Variants in HTR2C observed in about 807,000 individuals in gnomAD.
HTR2C encodes 5-hydroxytryptamine (serotonin) receptor 2C, G protein-coupled.
Under a neutral mutation model 21.0 loss-of-function variants are expected in HTR2C, and 5 were observed. That is an observed-to-expected ratio of 0.24 (90% CI 0.12 to 0.50). HTR2C has a LOEUF of 0.50. Ranked by LOEUF, HTR2C falls within the 20% of genes least tolerant of loss-of-function variation. The pLI, the probability that HTR2C is intolerant of heterozygous loss-of-function variation, is 0.98. For missense variants in HTR2C, 271 were observed against 371.2 expected, an observed-to-expected ratio of 0.73 and a Z score of 2.22; for synonymous variants, 150 against 145.3, an observed-to-expected ratio of 1.03 and a Z score of -0.23.
chrX:114,611,191 T>G (rs1928715209), intron 1 of HTR2C, among the ~76,000 whole-genome samples: 2 of 111,897 alleles, frequency 1.8e-5, no homozygotes, highest in African/African-American at 3.2e-5. Context: ...TTGTTCTGTC[T>G]GCAATAGTCA....
chrX:114,875,015 A>T (rs2071122011), intron 5 of HTR2C, among the ~76,000 whole-genome samples: 2 of 111,053 alleles, frequency 1.8e-5, no homozygotes, highest in African/African-American at 6.5e-5. Flanking sequence ...GATAAGTAAA[A>T]TTTTTTTCTC....
chrX:114,907,348 A>C lies in HTR2C; in HGVS notation c.1310A>C (p.Gln437Pro). The change falls in exon 6 of 6, where the codon CAA (glutamine) becomes CCA (proline). Residue 437 changes from glutamine to proline, a missense_variant. Transcript: ENST00000276198. ...GACAATGAGCCCGGTATAGAGATGC[A>C]AGTTGAGAATTTAGAGTTACCAGTA... Reference protein sequence around the residue: ...ASDNEPGIEMQVENLELPVNP... With the variant: ...ASDNEPGIEMPVENLELPVNP... 8.3e-7 allele frequency: 1 copy of C among 1,211,520 alleles called. No homozygotes were observed. Among genetic ancestry groups the C allele is most frequent in the South Asian group, 1.8e-5 (1 of 56,976 alleles).
At chrX:114,623,847 A>G (rs1303094770) in intron 2 of HTR2C, among the ~76,000 whole-genome samples, 1 of 109,165 alleles carries the variant, frequency 9.2e-6, no homozygotes, top group Non-Finnish European at 1.9e-5. Flanking sequence ...TTATAATGCA[A>G]TTGAAATAGT....
intron 5 of HTR2C, among the ~76,000 whole-genome samples, chrX:114,884,541 A>G (rs1556480672): frequency 9.0e-6 from 1 of 111,411 alleles, no homozygotes; most frequent in Non-Finnish European, 1.9e-5. Flanking sequence ...TGGCCGGCAC[A>G]TATAAAAAAA....
intron 4 of HTR2C, chrX:114,776,421 C>T (rs1288017209): frequency 2.7e-6 from 2 of 733,793 alleles, no homozygotes; most frequent in Non-Finnish European, 4.3e-6. Flanking sequence ...ATAGAGGACA[C>T]CTCCTCTGGA....
chrX:114,666,435 C>T (rs982163919), intron 2 of HTR2C, among the ~76,000 whole-genome samples: 7 of 84,452 alleles, frequency 8.3e-5, no homozygotes, highest in Non-Finnish European at 1.6e-4. Flanking sequence ...TGAGAACAAC[C>T]TTTCTTTCTA....
intron 4 of HTR2C, among the ~76,000 whole-genome samples, chrX:114,734,795 A>G (rs782456409): frequency 1.8e-5 from 2 of 110,392 alleles, no homozygotes; most frequent in South Asian, 3.8e-4. Flanking sequence ...ACAAATATAT[A>G]TATATAAATT....
chrX:114,839,899 A>G (rs924504749), intron 4 of HTR2C, among the ~76,000 whole-genome samples: 2 of 110,604 alleles, frequency 1.8e-5, no homozygotes, highest in Admixed American at 9.7e-5. Flanking sequence ...ATATCCTACA[A>G]GCAACCTAAG....
intron 4 of HTR2C, chrX:114,775,689 G>T: frequency 1.6e-6 from 1 of 613,350 alleles, no homozygotes; most frequent in Non-Finnish European, 2.6e-6. Flanking sequence ...GCTTCATCAA[G>T]GTTGATGCTC....
Position 114,907,884 on chromosome X carries a change from T to A in HTR2C, c.*469T>A. 5.1e-4 allele frequency: 58 copies of A among 114,319 alleles called. No homozygotes were observed. The highest frequency in any genetic ancestry group is 1.8e-3 in the South Asian group (5 of 2,847). 9.4% of individuals were successfully genotyped at this position (114,319 alleles called of 1,213,427 possible). A position where few individuals can be genotyped will look rare whatever the true frequency, so the allele number is the denominator to read the frequency against. On this transcript the variant is annotated 3_prime_UTR_variant, in exon 6 of 6. Transcript: ENST00000276198. ...TATACACTTTACATTCTTGCTCTGC[T>A]CATCTACACATATAAACACAGTAAG...
intron 5 of HTR2C, among the ~76,000 whole-genome samples, chrX:114,894,016 A>C (rs962588474): frequency 9.0e-6 from 1 of 111,569 alleles, no homozygotes; most frequent in Non-Finnish European, 1.9e-5. Flanking sequence ...CTAAAATTGA[A>C]AAGACTAACA....
At chrX:114,830,636 T>A (rs1304156556) in intron 4 of HTR2C, among the ~76,000 whole-genome samples, 1 of 96,211 alleles carries the variant, frequency 1.0e-5, no homozygotes, top group Non-Finnish European at 2.1e-5. Flanking sequence ...TTTATTTTAT[T>A]TTTTTTAAGA....
chrX:114,813,612 G>T (rs2070555521), intron 4 of HTR2C, among the ~76,000 whole-genome samples: 1 of 111,663 alleles, frequency 9.0e-6, no homozygotes, highest in Admixed American at 9.6e-5. Context: ...ATCTCTTTCT[G>T]TAGCAAGGAC....
chrX:114,776,613 C>T (rs782813829), intron 4 of HTR2C: 25 of 513,101 alleles, frequency 4.9e-5, no homozygotes, highest in Admixed American at 4.1e-4. Flanking sequence ...TGATTCTTTG[C>T]GGCATCACCA....
rs2070512366 is a variant in HTR2C at position 114,809,544 on chromosome X, T to C, written c.350-38459T>C. On this transcript the variant is annotated intron_variant, in intron 4 of 5. Transcript: ENST00000276198. ...GCTTACAGGCGCCCGCCACCACGCC[T>C]GGCTAATTTTTGTGTTTTTAGTAGA... Among the ~76,000 whole-genome samples, 4 of 109,894 alleles carry C rather than the reference T, an allele frequency of 3.6e-5. No individual in the cohort carries two copies. In the South Asian group the frequency reaches 1.6e-3, roughly 44 times the overall value.
At chrX:114,672,347 G>A (rs1261677332) in intron 2 of HTR2C, among the ~76,000 whole-genome samples, 2 of 110,245 alleles carry the variant, frequency 1.8e-5, no homozygotes, top group Non-Finnish European at 3.8e-5. Context: ...AGCTATGATC[G>A]CACCCCTGCA....
At chrX:114,633,947 T>TAG (rs59914358) in intron 2 of HTR2C, among the ~76,000 whole-genome samples, 5 of 92,183 alleles carry the variant, frequency 5.4e-5, no homozygotes, top group African/African-American at 2.0e-4. Flanking sequence ...TATATATATA[T>TAG]AGAGAGAGAG....
chrX:114,625,613 G>A (rs1556402666), intron 2 of HTR2C, among the ~76,000 whole-genome samples: 1 of 112,091 alleles, frequency 8.9e-6, no homozygotes, highest in African/African-American at 3.2e-5. Flanking sequence ...CTGCAGAACT[G>A]TAAGCCAAAT....
chrX:114,708,859 C>T (rs1932849450), intron 2 of HTR2C, among the ~76,000 whole-genome samples: 1 of 110,924 alleles, frequency 9.0e-6, no homozygotes, highest in African/African-American at 3.3e-5. Flanking sequence ...CAAAGACTTT[C>T]TCTGGTTACT....
Sources: allele counts gnomAD v4.1 joint callset (sites outside exome capture counted in the v4.1 genomes callset), GRCh38; gene constraint gnomAD v4.1.1; transcripts MANE v1.5; gene names NCBI Gene and HGNC (gene_info 2026-07-23, HGNC 2026-07-21).